Variants in VEPH1 observed in about 807,000 individuals in gnomAD.
The protein encoded by VEPH1 is ventricular zone expressed PH domain containing 1, also known as ventricular zone-expressed PH domain-containing protein homolog 1.
VEPH1 carries 80 observed loss-of-function variants against 85.2 expected under a neutral mutation model. The observed-to-expected ratio is 0.94, with a 90% CI of 0.78 to 1.13. VEPH1 has a LOEUF of 1.13. VEPH1 is among the 50% of genes most tolerant of loss of function. VEPH1 has a pLI of 0.00. For synonymous variants in VEPH1, 297 were observed against 348.0 expected (o/e 0.85, Z 1.63); for missense variants, 955 against 980.5 (o/e 0.97, Z 0.35).
chr3:157,332,037 G>C (rs1722555483), intron 9 of VEPH1, among the ~76,000 whole-genome samples: 1 of 152,078 alleles, frequency 6.6e-6, no homozygotes, highest in Admixed American at 6.6e-5. Context: ...TACCTTACAG[G>C]GTCAAATAAA....
intron 7 of VEPH1, among the ~76,000 whole-genome samples, chr3:157,370,237 G>A (rs948101992): frequency 4.6e-5 from 7 of 152,262 alleles, no homozygotes; most frequent in South Asian, 2.1e-4. Context: ...TGGGCTGCTC[G>A]CTGCTCTCAC....
chr3:157,451,236 G>A (rs1734947059), intron 4 of VEPH1, among the ~76,000 whole-genome samples: 1 of 152,118 alleles, frequency 6.6e-6, no homozygotes, highest in Non-Finnish European at 1.5e-5. Flanking sequence ...TTGTGTGTGA[G>A]TTGATTTTAA....
intron 7 of VEPH1, among the ~76,000 whole-genome samples, chr3:157,369,326 T>C (rs1727224329): frequency 6.6e-6 from 1 of 150,766 alleles, no homozygotes; most frequent in African/African-American, 2.4e-5. Context: ...GGAGCAAGAG[T>C]AGAGGCAAAA....
chr3:157,363,338 A>G, intron 9 of VEPH1, 26 bp downstream of exon 9: 1 of 1,523,814 alleles, frequency 6.6e-7, no homozygotes, highest in Non-Finnish European at 8.8e-7. Context: ...GAAGTTTCTC[A>G]GGTTTGGGAA....
intron 9 of VEPH1, among the ~76,000 whole-genome samples, chr3:157,321,932 C>T (rs1033528363): frequency 8.6e-5 from 13 of 151,882 alleles, no homozygotes; most frequent in Admixed American, 3.3e-4. Flanking sequence ...TTATGTTTTA[C>T]GTTTTATATA....
intron 6 of VEPH1, among the ~76,000 whole-genome samples, chr3:157,407,077 G>A (rs911259970): frequency 6.6e-6 from 1 of 151,714 alleles, no homozygotes; most frequent in Non-Finnish European, 1.5e-5. Context: ...CTATAATAAC[G>A]ATAATACCTA....
chr3:157,393,555 T>C (rs189905961), intron 6 of VEPH1, among the ~76,000 whole-genome samples: 225 of 152,346 alleles, frequency 1.5e-3, no homozygotes, highest in Non-Finnish European at 2.7e-3. Flanking sequence ...TAAAGATTAC[T>C]GTTTTCAATA....
At chr3:157,315,647 AAAAG>A (rs1368589276) in intron 10 of VEPH1, among the ~76,000 whole-genome samples, 4 of 152,048 alleles carry the variant, frequency 2.6e-5, no homozygotes, top group Non-Finnish European at 4.4e-5. Context: ...TAAGTGTGGA[AAAAG>A]AAAGAAACCA....
At chr3:157,341,402 A>G (rs1016267872) in intron 9 of VEPH1, among the ~76,000 whole-genome samples, 2 of 152,262 alleles carry the variant, frequency 1.3e-5, no homozygotes, top group African/African-American at 4.8e-5. Context: ...AGCCGATTCA[A>G]TCAACTGGAA....
chr3:157,352,363 G>A (rs578096620), intron 9 of VEPH1, among the ~76,000 whole-genome samples: 1 of 152,258 alleles, frequency 6.6e-6, no homozygotes, highest in South Asian at 2.1e-4. Flanking sequence ...TTTATAGGCT[G>A]CTTCACGTAT....
At chr3:157,483,120 G>A (rs1265860337) in intron 2 of VEPH1, among the ~76,000 whole-genome samples, 1 of 79,770 alleles carries the variant, frequency 1.3e-5, no homozygotes, top group Admixed American at 1.5e-4. Flanking sequence ...ACTTTTAAAA[G>A]CATACACACA....
At chr3:157,445,243 G>A (rs931018258) in intron 4 of VEPH1, among the ~76,000 whole-genome samples, 5 of 152,148 alleles carry the variant, frequency 3.3e-5, no homozygotes, top group African/African-American at 1.2e-4. Context: ...TCTTTTACGT[G>A]AGAGAAAAAT....
At chr3:157,416,450 C>T (rs1471255137) in intron 5 of VEPH1, among the ~76,000 whole-genome samples, 1 of 152,150 alleles carries the variant, frequency 6.6e-6, no homozygotes, top group Non-Finnish European at 1.5e-5. Flanking sequence ...AATTGTATGT[C>T]CTTCAGGAGA....
At chr3:157,469,059 A>G (rs982349276) in intron 3 of VEPH1, among the ~76,000 whole-genome samples, 17 of 152,322 alleles carry the variant, frequency 1.1e-4, no homozygotes, top group Middle Eastern at 3.4e-3. Context: ...TTGGAGTGAA[A>G]TAATCTATGT....
chr3:157,470,224 A>G, intron 3 of VEPH1, 90 bp downstream of exon 3: 5 of 1,177,132 alleles, frequency 4.2e-6, no homozygotes, highest in Non-Finnish European at 6.2e-6. Context: ...TAAATGCTGC[A>G]GAAGCATTGG....
intron 4 of VEPH1, among the ~76,000 whole-genome samples, chr3:157,449,489 T>G (rs1396201852): frequency 6.6e-6 from 1 of 152,208 alleles, no homozygotes; most frequent in Non-Finnish European, 1.5e-5. Context: ...TATGCACAGA[T>G]TTGTTTCTTG....
intron 4 of VEPH1, chr3:157,438,020 A>AAC: frequency 2.4e-6 from 2 of 836,440 alleles, no homozygotes; most frequent in Non-Finnish European, 3.4e-6. Flanking sequence ...TTTCATGGGA[A>AAC]GCGCGCGCGC....
At chr3:157,270,290 A>G (rs930760487) in intron 12 of VEPH1, among the ~76,000 whole-genome samples, 18 of 151,032 alleles carry the variant, frequency 1.2e-4, no homozygotes, top group Non-Finnish European at 1.9e-4. Context: ...AAAAAGCAAA[A>G]CAAAACAAAA....
At chr3:157,385,257 T>C (rs987421694) in intron 6 of VEPH1, among the ~76,000 whole-genome samples, 1 of 151,712 alleles carries the variant, frequency 6.6e-6, no homozygotes, top group Admixed American at 6.6e-5. Flanking sequence ...TATGCACATA[T>C]TTTTCCACTC....
Sources: allele counts gnomAD v4.1 joint callset (sites outside exome capture counted in the v4.1 genomes callset), GRCh38; gene constraint gnomAD v4.1.1; transcripts MANE v1.5; gene names NCBI Gene and HGNC (gene_info 2026-07-23, HGNC 2026-07-21).